Variants in PCDHGB1 observed in about 807,000 individuals in gnomAD.
PCDHGB1 encodes the protein protocadherin gamma-B1.
Under a neutral mutation model 56.6 loss-of-function variants are expected in PCDHGB1, and 34 were observed. The ratio of observed to expected loss-of-function variants is 0.60; its 90% CI spans 0.46 to 0.80. The LOEUF (loss-of-function observed/expected upper bound fraction) is 0.80, where lower values mean the gene tolerates loss of function less well. Ranked by LOEUF, PCDHGB1 falls within the 30% of genes least tolerant of loss-of-function variation. The pLI is 0.00. For synonymous variants in PCDHGB1, 561 were observed against 505.9 expected (o/e 1.11, Z -1.46); for missense variants, 1,278 against 1,204.6 (o/e 1.06, Z -0.90).
rs752341952 is a variant in PCDHGB1 at position 141,431,380 on chromosome 5, T to C, written c.2410-63427T>C. 10 of 1,613,902 alleles carry C rather than the reference T, an allele frequency of 6.2e-6. No homozygotes were observed. The highest frequency in any genetic ancestry group is 8.5e-6 in the Non-Finnish European group (10 of 1,180,024). ...CCCTGGACCGCGAAGAAAAGGCTGCTCACCACCTGGTCCTTACGGCCTCCG... is the reference window on the plus strand; with the variant it reads ...CCCTGGACCGCGAAGAAAAGGCTGCCCACCACCTGGTCCTTACGGCCTCCG... On this transcript the variant is annotated intron_variant, in intron 1 of 3. Transcript: ENST00000523390. The surrounding 1 kb of genome is among the most constrained non-coding windows in gnomAD (Gnocchi z 4.8).
At chr5:141,413,612 T>C (rs1282180585) in intron 1 of PCDHGB1, 1 of 1,613,696 alleles carries the variant, frequency 6.2e-7, no homozygotes, top group Non-Finnish European at 8.5e-7. Context: ...GACGTAAAAA[T>C]TAATGAAAAT....
Position 141,476,247 on chromosome 5 carries a change from G to A in PCDHGB1, c.2410-18560G>A. The A allele has an allele frequency of 6.2e-7, 1 of 1,614,042 alleles. No individual in the cohort carries two copies. Among genetic ancestry groups the A allele is most frequent in the Non-Finnish European group, 8.5e-7 (1 of 1,180,010 alleles). Reference sequence around the variant, plus strand: ...GAGATCCCGGAGGAAAGAGAGAAGGGTTTCGCTGTGGGCAACGTGGTCGCG... The same window carrying A: ...GAGATCCCGGAGGAAAGAGAGAAGGATTTCGCTGTGGGCAACGTGGTCGCG... On this transcript the variant is annotated intron_variant, in intron 1 of 3. Transcript: ENST00000523390. This position sits in a 1 kb window ranked among gnomAD's most constrained non-coding sequence, Gnocchi z 7.6.
rs767715715 is a variant in PCDHGB1 at position 141,352,019 on chromosome 5, G to T, written c.1759G>T (p.Val587Leu). 7.5e-5 allele frequency: 121 copies of T among 1,609,570 alleles called. No homozygotes were observed. The highest frequency in any genetic ancestry group is 9.8e-5 in the Non-Finnish European group (115 of 1,179,182). ...AGAGCCCGGCTACCTGGTGACCAAGGTGGTGGCGGTGGACGCAGACTCAGG... is the reference window on the plus strand; with the variant it reads ...AGAGCCCGGCTACCTGGTGACCAAGTTGGTGGCGGTGGACGCAGACTCAGG... ...AAEPGYLVTK[V>L]VAVDADSGHN... Residue 587 changes from valine (V) to leucine (L), a missense_variant, in exon 1 of 4, where the codon GTG becomes TTG. Transcript: ENST00000523390.
chr5:141,378,017 A>G (rs1371705744), intron 1 of PCDHGB1: 1 of 152,202 alleles, frequency 6.6e-6, no homozygotes, highest in South Asian at 2.1e-4. Flanking sequence ...AGCTCTACTT[A>G]TATTATTTTT....
At chr5:141,417,832 G>C in intron 1 of PCDHGB1, 1 of 1,528,846 alleles carries the variant, frequency 6.5e-7, no homozygotes. Flanking sequence ...CTGGAAAAGC[G>C]GGGACCCAGC....
chr5:141,474,967 T>G (rs745581213), intron 1 of PCDHGB1, among the ~76,000 whole-genome samples: 6 of 152,252 alleles, frequency 3.9e-5, no homozygotes, highest in Non-Finnish European at 7.3e-5. Context: ...TCCTAATCAT[T>G]ATAATTTTGT....
At chr5:141,355,030 A>G (rs1383084730) in intron 1 of PCDHGB1, 4 of 976,996 alleles carry the variant, frequency 4.1e-6, no homozygotes, top group African/African-American at 3.3e-5. Flanking sequence ...CAGAATCACA[A>G]GATTTCTGCA....
At chr5:141,479,937 C>G (rs1322238189) in intron 1 of PCDHGB1, among the ~76,000 whole-genome samples, 1 of 152,212 alleles carries the variant, frequency 6.6e-6, no homozygotes, top group African/African-American at 2.4e-5. Context: ...TCATTGCTAT[C>G]AACTCTTGGA....
intron 1 of PCDHGB1, among the ~76,000 whole-genome samples, chr5:141,472,980 CAAAAA>C (rs60579131): frequency 1.2e-5 from 1 of 86,106 alleles, no homozygotes; most frequent in African/African-American, 3.9e-5. Flanking sequence ...GAGTGAAACT[CAAAAA>C]AAAAAAAAAA....
intron 2 of PCDHGB1, 106 bp downstream of exon 2, chr5:141,494,971 C>T (rs1244836841): frequency 1.3e-6 from 2 of 1,583,382 alleles, no homozygotes; most frequent in African/African-American, 1.3e-5. Context: ...ATGGCTTCTC[C>T]CTCAGTTTGA....
At chr5:141,355,142 C>A in intron 1 of PCDHGB1, 2 of 1,526,256 alleles carry the variant, frequency 1.3e-6, no homozygotes, top group Middle Eastern at 2.5e-4. Context: ...GATCCTGGGG[C>A]TCCTCAGGCC....
intron 1 of PCDHGB1, among the ~76,000 whole-genome samples, chr5:141,406,933 T>C (rs1034700573): frequency 6.6e-6 from 1 of 152,218 alleles, no homozygotes; most frequent in African/African-American, 2.4e-5. Flanking sequence ...ATGTATTATT[T>C]AATGTTATTT....
intron 1 of PCDHGB1, among the ~76,000 whole-genome samples, chr5:141,483,459 G>A (rs1214951485): frequency 6.6e-6 from 1 of 152,186 alleles, no homozygotes; most frequent in Non-Finnish European, 1.5e-5. Flanking sequence ...AGGACTTGTT[G>A]ATTGACATGA....
At chr5:141,411,954 A>T (rs563669924) in intron 1 of PCDHGB1, 1 of 152,382 alleles carries the variant, frequency 6.6e-6, no homozygotes, top group East Asian at 1.9e-4. Flanking sequence ...TTTTGAAGAA[A>T]AAAGATAAAA....
chr5:141,366,101 G>A lies in PCDHGB1; in HGVS notation c.2409+13432G>A, dbSNP rs372607743. On this transcript the variant is annotated intron_variant, in intron 1 of 3. Coordinates refer to ENST00000523390, the MANE Select transcript of PCDHGB1 (RefSeq NM_018922.3). ...AGAACCTGGCTACCTGGTGACCAAG[G>A]TGGTAGCGGTGGACAAAGATTCAGG... 3.2e-5 allele frequency: 52 copies of A among 1,614,128 alleles called. No individual in the cohort carries two copies. Among genetic ancestry groups the A allele is most frequent in the Non-Finnish European group, 4.1e-5 (48 of 1,180,056 alleles).
intron 1 of PCDHGB1, chr5:141,478,813 A>G (rs2099478658): frequency 4.8e-6 from 7 of 1,453,346 alleles, no homozygotes; most frequent in Non-Finnish European, 6.3e-6. Context: ...TGCTATCACA[A>G]CTAACCAATC....
At chr5:141,428,102 G>T (rs774075619) in intron 1 of PCDHGB1, 38 of 1,608,516 alleles carry the variant, frequency 2.4e-5, no homozygotes, top group Non-Finnish European at 3.2e-5. Flanking sequence ...CCTACCACGT[G>T]CTGCAGGCCA....
At chr5:141,400,539 T>C (rs1339848826) in intron 1 of PCDHGB1, 7 of 1,613,782 alleles carry the variant, frequency 4.3e-6, no homozygotes, top group African/African-American at 4.0e-5. Context: ...GTTTCATTTA[T>C]GTCTATTCTT....
At chr5:141,483,648 T>TTGTGTGTGTG (rs111458813) in intron 1 of PCDHGB1, among the ~76,000 whole-genome samples, 23 of 149,708 alleles carry the variant, frequency 1.5e-4, no homozygotes, top group African/African-American at 3.9e-4. Context: ...GGGTGTGTGT[T>TTGTGTGTGTG]TGTGTGTGTG....
Sources: allele counts gnomAD v4.1 joint callset (sites outside exome capture counted in the v4.1 genomes callset), GRCh38; gene constraint gnomAD v4.1.1; non-coding constraint Gnocchi (gnomAD v3.1); transcripts MANE v1.5; gene names NCBI Gene and HGNC (gene_info 2026-07-23, HGNC 2026-07-21).